The following CTNNA2 variants were observed in gnomAD, a reference collection of about 807,000 sequenced individuals.
CTNNA2 encodes the protein catenin alpha 2.
A neutral mutation model predicts 101.0 loss-of-function variants in CTNNA2; 42 were observed. The ratio of observed to expected loss-of-function variants is 0.42; its 90% CI spans 0.32 to 0.54. The LOEUF is 0.54. CTNNA2 is among the 20% of genes least tolerant of loss of function. The pLI, the probability that CTNNA2 is intolerant of heterozygous loss-of-function variation, is 0.14. For missense variants in CTNNA2, 871 were observed against 1,223.1 expected, an observed-to-expected ratio of 0.71 and a Z score of 4.29; for synonymous variants, 450 against 456.4, an observed-to-expected ratio of 0.99 and a Z score of 0.18.
Position 80,233,114 on chromosome 2 carries a change from GA to G in CTNNA2, c.1057-160093del, listed in dbSNP as rs1449085670. On this transcript the variant is annotated intron_variant, in intron 7 of 18. Coordinates refer to ENST00000402739, the MANE Select transcript of CTNNA2 (RefSeq NM_001282597.3). ...TTGATGGATTATGAACTGCCACCCTGAAAATTCAGTAGGAACCTGGGTAATG... is the reference window on the plus strand; with the variant it reads ...TTGATGGATTATGAACTGCCACCCTGAAATTCAGTAGGAACCTGGGTAATG... Among the ~76,000 whole-genome samples, 8 of 152,220 alleles carry G rather than the reference GA, an allele frequency of 5.3e-5. No homozygotes were observed. In the East Asian group the frequency reaches 1.4e-3, roughly 26 times the overall value.
chr2:79,248,290 T>C (rs1674723814), intron 2 of CTNNA2, among the ~76,000 whole-genome samples: 1 of 152,076 alleles, frequency 6.6e-6, no homozygotes, highest in Non-Finnish European at 1.5e-5. Flanking sequence ...TATTTTAAAA[T>C]TTTAGTAGCC....
chr2:79,480,904 T>C (rs1671103374), intron 4 of CTNNA2, among the ~76,000 whole-genome samples: 1 of 152,176 alleles, frequency 6.6e-6, no homozygotes, highest in South Asian at 2.1e-4. Context: ...GCTTCCCTCC[T>C]TTCAGCTGAT....
chr2:79,387,089 CT>C (rs990411627), intron 4 of CTNNA2, among the ~76,000 whole-genome samples: 4 of 152,104 alleles, frequency 2.6e-5, no homozygotes, highest in Non-Finnish European at 4.4e-5. Context: ...ATTTACTTTA[CT>C]TTTTTCTTGA....
chr2:80,120,424 G>A (rs182769210), intron 7 of CTNNA2, among the ~76,000 whole-genome samples: 11 of 152,136 alleles, frequency 7.2e-5, no homozygotes, highest in Non-Finnish European at 1.0e-4. Flanking sequence ...AATAGAAACC[G>A]AAGGAAACCG....
At chr2:79,579,125 C>T (rs1009000963) in intron 1 of CTNNA2, among the ~76,000 whole-genome samples, 7 of 146,798 alleles carry the variant, frequency 4.8e-5, no homozygotes, top group Non-Finnish European at 4.5e-5. Context: ...TTTTTTCTTT[C>T]CTTGTCTTTC....
intron 9 of CTNNA2, among the ~76,000 whole-genome samples, chr2:80,491,808 C>T (rs866233331): frequency 1.3e-5 from 2 of 152,146 alleles, no homozygotes; most frequent in African/African-American, 4.8e-5. Context: ...ATCTCACTTC[C>T]GACTGTGAGT....
At chr2:79,253,607 G>T (rs1343567795) in intron 2 of CTNNA2, among the ~76,000 whole-genome samples, 4 of 151,784 alleles carry the variant, frequency 2.6e-5, no homozygotes, top group Non-Finnish European at 5.9e-5. Flanking sequence ...AATGGACATT[G>T]GTTGCCCAAG....
At chr2:79,320,050 T>G (rs1676583091) in intron 3 of CTNNA2, 1 of 152,146 alleles carries the variant, frequency 6.6e-6, no homozygotes, top group South Asian at 2.1e-4. Context: ...TGATATATTT[T>G]TAGTCAATGA....
At chr2:79,425,174 G>C (rs766229339) in intron 4 of CTNNA2, among the ~76,000 whole-genome samples, 6 of 152,122 alleles carry the variant, frequency 3.9e-5, no homozygotes, top group Non-Finnish European at 7.4e-5. Context: ...ATTTTTAAAT[G>C]AAACTGTAAG....
chr2:79,215,888 C>T (rs948606489), intron 2 of CTNNA2, among the ~76,000 whole-genome samples: 14 of 151,420 alleles, frequency 9.2e-5, no homozygotes, highest in African/African-American at 2.7e-4. Context: ...CTCGGCCTTG[C>T]GAGGAAGGGA....
At chr2:80,208,291 T>C (rs1488544179) in intron 7 of CTNNA2, among the ~76,000 whole-genome samples, 1 of 152,194 alleles carries the variant, frequency 6.6e-6, no homozygotes, top group East Asian at 1.9e-4. Flanking sequence ...AAAAATAACC[T>C]AGTTGCCAAT....
At chr2:79,204,720 G>A (rs1674079534) in intron 2 of CTNNA2, among the ~76,000 whole-genome samples, 1 of 152,192 alleles carries the variant, frequency 6.6e-6, no homozygotes, top group Admixed American at 6.6e-5. Context: ...AGCAGGTTCA[G>A]TTATTTGGTG....
At chr2:80,192,530 T>A (rs978143748) in intron 7 of CTNNA2, among the ~76,000 whole-genome samples, 7 of 152,328 alleles carry the variant, frequency 4.6e-5, no homozygotes, top group African/African-American at 1.4e-4. Flanking sequence ...TTTCTTTTTT[T>A]TTCTTTTTAT....
intron 7 of CTNNA2, among the ~76,000 whole-genome samples, chr2:80,372,682 C>CT (rs57178483): frequency 0.09 from 12,830 of 142,256 alleles, 858 homozygotes; most frequent in African/African-American, 0.19. Context: ...GGGAAAACAG[C>CT]TTTTTTTTTT....
intron 10 of CTNNA2, among the ~76,000 whole-genome samples, chr2:80,545,403 G>A (rs113673029): frequency 6.7e-6 from 1 of 149,746 alleles, no homozygotes; most frequent in African/African-American, 2.5e-5. Flanking sequence ...AACTAGCTGG[G>A]TGTGGTGGGG....
chr2:80,267,930 C>G (rs1038389900), intron 7 of CTNNA2, among the ~76,000 whole-genome samples: 3 of 152,222 alleles, frequency 2.0e-5, no homozygotes, highest in African/African-American at 7.2e-5. Flanking sequence ...AAGATGTCTT[C>G]CTTTCTGCTT....
chr2:80,472,309 GC>G (rs1685376055), intron 9 of CTNNA2, among the ~76,000 whole-genome samples: 1 of 152,132 alleles, frequency 6.6e-6, no homozygotes, highest in African/African-American at 2.4e-5. Context: ...CATGTATCTA[GC>G]CATGGCTGAT....
intron 3 of CTNNA2, among the ~76,000 whole-genome samples, chr2:79,351,834 C>A (rs1234217670): frequency 6.6e-6 from 1 of 152,158 alleles, no homozygotes; most frequent in Non-Finnish European, 1.5e-5. Context: ...TCCGATCCAC[C>A]ATTGATGAAC....
chr2:80,054,944 G>A (rs1429767300), intron 7 of CTNNA2, among the ~76,000 whole-genome samples: 1 of 151,880 alleles, frequency 6.6e-6, no homozygotes, highest in Non-Finnish European at 1.5e-5. Context: ...TGGGAAGAAT[G>A]GTGCTATTTT....
Sources: gnomAD v4.1 joint callset for allele counts (sites outside exome capture counted in the v4.1 genomes callset) on GRCh38, gnomAD v4.1.1 for gene constraint, MANE v1.5 for transcripts, NCBI Gene and HGNC (gene_info 2026-07-23, HGNC 2026-07-21) for gene names.